The following OPCML variants were observed in gnomAD, a reference collection of about 807,000 sequenced individuals.
OPCML encodes opioid-binding protein/cell adhesion molecule.
Under a neutral mutation model 37.8 loss-of-function variants are expected in OPCML, and 13 were observed. The observed-to-expected ratio is 0.34, with a 90% CI of 0.22 to 0.55. The LOEUF (loss-of-function observed/expected upper bound fraction) is 0.55. Ranked by LOEUF, OPCML falls within the 20% of genes least tolerant of loss-of-function variation. OPCML has a pLI of 0.91. For missense variants in OPCML, 341 were observed against 435.6 expected, an observed-to-expected ratio of 0.78 and a Z score of 1.93; for synonymous variants, 176 against 168.8, an observed-to-expected ratio of 1.04 and a Z score of -0.33.
At chr11:132,641,414 C>T (rs1468513495) in intron 3 of OPCML, among the ~76,000 whole-genome samples, 2 of 152,126 alleles carry the variant, frequency 1.3e-5, no homozygotes, top group East Asian at 1.9e-4. Context: ...GTTTGAGATG[C>T]TCCCAGCACC....
At chr11:133,270,872 C>T (rs1452643744) in intron 1 of OPCML, among the ~76,000 whole-genome samples, 1 of 152,156 alleles carries the variant, frequency 6.6e-6, no homozygotes, top group Non-Finnish European at 1.5e-5. Flanking sequence ...ACCAAGTTTA[C>T]AGAAGAAGTA....
chr11:132,636,589 G>C (rs1471541526), intron 3 of OPCML, among the ~76,000 whole-genome samples: 2 of 152,168 alleles, frequency 1.3e-5, no homozygotes. Context: ...GCTTTTCTCG[G>C]AAAAGAAATA....
intron 1 of OPCML, chr11:133,008,140 G>T: frequency 1.0e-6 from 1 of 985,442 alleles, no homozygotes; most frequent in East Asian, 1.1e-4. Flanking sequence ...CTCTTGGGCA[G>T]AAAGATGGCT....
chr11:133,104,211 G>A (rs1288962637), intron 1 of OPCML, among the ~76,000 whole-genome samples: 1 of 152,228 alleles, frequency 6.6e-6, no homozygotes, highest in African/African-American at 2.4e-5. Flanking sequence ...GGAGAAAGGA[G>A]GGAAATTAAC....
chr11:132,422,774 T>G (rs568662495), intron 7 of OPCML, among the ~76,000 whole-genome samples: 2 of 152,358 alleles, frequency 1.3e-5, no homozygotes, highest in East Asian at 3.9e-4. Context: ...GTCACTGTCC[T>G]CAGAATCTAT....
At chr11:132,440,813 G>A (rs1170242065) in intron 4 of OPCML, among the ~76,000 whole-genome samples, 1 of 152,172 alleles carries the variant, frequency 6.6e-6, no homozygotes, top group Admixed American at 6.5e-5. Flanking sequence ...TTGAATGCTG[G>A]GTGAAATTTT....
intron 1 of OPCML, among the ~76,000 whole-genome samples, chr11:133,213,096 T>C (rs941333191): frequency 6.6e-6 from 1 of 152,208 alleles, no homozygotes; most frequent in Non-Finnish European, 1.5e-5. Flanking sequence ...CATGGACTTT[T>C]CTGTGCCTCA....
At chr11:132,915,618 G>T (rs1161027875) in intron 2 of OPCML, among the ~76,000 whole-genome samples, 1 of 151,930 alleles carries the variant, frequency 6.6e-6, no homozygotes, top group African/African-American at 2.4e-5. Context: ...CCAGCAGTGT[G>T]TAAGTGTCAC....
intron 2 of OPCML, among the ~76,000 whole-genome samples, chr11:132,887,488 C>G (rs769550579): frequency 6.6e-6 from 1 of 152,154 alleles, no homozygotes; most frequent in African/African-American, 2.4e-5. Flanking sequence ...GCACTCACCC[C>G]GAAGATGGGG....
chr11:132,495,947 C>A (rs1468343110), intron 4 of OPCML, among the ~76,000 whole-genome samples: 1 of 151,326 alleles, frequency 6.6e-6, no homozygotes, highest in Admixed American at 6.6e-5. Context: ...CAAGTTGATT[C>A]ATTTCATGGA....
intron 1 of OPCML, among the ~76,000 whole-genome samples, chr11:133,410,311 A>T (rs1282701262): frequency 1.3e-5 from 2 of 152,082 alleles, no homozygotes; most frequent in Non-Finnish European, 2.9e-5. Flanking sequence ...TGGTTGTCCA[A>T]ATTCATCTGA....
intron 3 of OPCML, among the ~76,000 whole-genome samples, chr11:132,541,629 A>G (rs2096356873): frequency 6.6e-6 from 1 of 151,992 alleles, no homozygotes; most frequent in Non-Finnish European, 1.5e-5. Flanking sequence ...GAAACCCTAC[A>G]TGGCAGTTTT....
intron 1 of OPCML, among the ~76,000 whole-genome samples, chr11:133,209,843 A>G (rs1014918174): frequency 6.6e-6 from 1 of 152,238 alleles, no homozygotes; most frequent in African/African-American, 2.4e-5. Flanking sequence ...AACATAATGT[A>G]TCTGTTTCTA....
At chr11:133,062,045 CACCTTTCCTAGTGAAACTGTTAG>C (rs1948352271) in intron 1 of OPCML, among the ~76,000 whole-genome samples, 2 of 152,192 alleles carry the variant, frequency 1.3e-5, no homozygotes, top group African/African-American at 2.4e-5. Flanking sequence ...GGTGTAAAGA[CACCTTTCCTAGTGAAACTGTTAG>C]CCTGGCCTAA....
intron 2 of OPCML, among the ~76,000 whole-genome samples, chr11:132,911,324 G>A (rs74914648): frequency 6.6e-6 from 1 of 152,298 alleles, no homozygotes; most frequent in African/African-American, 2.4e-5. Flanking sequence ...CAGTAGATGA[G>A]TCACTAATTC....
chr11:132,773,035 A>C (rs896300903), intron 2 of OPCML: 8 of 152,228 alleles, frequency 5.3e-5, no homozygotes, highest in African/African-American at 1.9e-4. Context: ...GAGTGAAAGG[A>C]AGGTAGAACT....
intron 1 of OPCML, among the ~76,000 whole-genome samples, chr11:132,949,829 AG>A (rs1201430689): frequency 1.3e-5 from 2 of 152,102 alleles, no homozygotes; most frequent in Admixed American, 6.5e-5. Context: ...GTGTTGAAGG[AG>A]GGGGAAAAAG....
intron 3 of OPCML, among the ~76,000 whole-genome samples, chr11:132,623,217 A>G (rs1939529815): frequency 1.3e-5 from 2 of 152,174 alleles, no homozygotes; most frequent in Admixed American, 1.3e-4. Context: ...GGCAGAGCAC[A>G]TAAACCCAAG....
chr11:133,327,548 G>C, intron 1 of OPCML, among the ~76,000 whole-genome samples: 1 of 152,018 alleles, frequency 6.6e-6, no homozygotes, highest in East Asian at 1.9e-4. Flanking sequence ...CGATAAATCT[G>C]CCCCTCCTTA....
Sources: gnomAD v4.1 joint callset for allele counts (sites outside exome capture counted in the v4.1 genomes callset) on GRCh38, gnomAD v4.1.1 for gene constraint, MANE v1.5 for transcripts, NCBI Gene and HGNC (gene_info 2026-07-23, HGNC 2026-07-21) for gene names.